Variants in DMPK observed in about 807,000 individuals in gnomAD.
DMPK encodes myotonin-protein kinase.
In DMPK, 32 loss-of-function variants were observed where a neutral mutation model predicts 70.3. That is an observed-to-expected ratio of 0.46 (90% CI 0.34 to 0.61). The LOEUF (loss-of-function observed/expected upper bound fraction) is 0.61. DMPK is among the 20% of genes least tolerant of loss of function. The pLI, the probability that DMPK is intolerant of heterozygous loss-of-function variation, is 0.01. For missense variants in DMPK, 899 were observed against 886.0 expected, an observed-to-expected ratio of 1.01 and a Z score of -0.19; for synonymous variants, 469 against 390.9, an observed-to-expected ratio of 1.20 and a Z score of -2.36.
chr19:45,779,811 A>G lies in DMPK; in HGVS notation c.219T>C (p.Ile73=), dbSNP rs1488588517. ...EVRLQRDDFE[I]LKVIGRGAFS... ...ACGCCCCGCGTCCGATCACCTTCAGAATCTCGAAGTCGTCCCTCTGCAGTC... is the reference window on the plus strand; with the variant it reads ...ACGCCCCGCGTCCGATCACCTTCAGGATCTCGAAGTCGTCCCTCTGCAGTC... The change falls in exon 2 of 15, where the codon ATT becomes ATC. Residue 73 remains isoleucine (I), a synonymous_variant. Transcript: ENST00000291270. 8.2e-6 allele frequency: 13 copies of G among 1,580,718 alleles called. No homozygotes were observed. Among genetic ancestry groups the G allele is most frequent in the Non-Finnish European group, 1.1e-5 (13 of 1,161,526 alleles).
chr19:45,780,462 C>T, intron 1 of DMPK: 2 of 1,239,590 alleles, frequency 1.6e-6, no homozygotes, highest in Non-Finnish European at 2.1e-6. Context: ...CAGCCCATCT[C>T]TCAGTCCTCC....
chr19:45,777,031 A>G lies in DMPK; in HGVS notation c.1146+296T>C, dbSNP rs1368708809. 5.6e-6 allele frequency: 2 copies of G among 359,694 alleles called. No individual in the cohort carries two copies. The highest frequency in any genetic ancestry group is 1.0e-5 in the Non-Finnish European group (2 of 199,498). The allele number at this position is 359,694 out of a possible 1,614,324, so 22.3% of individuals were successfully genotyped here. ...CAAGTCTCAGCTCAGATAGCTCCCCACTCCAGAAAGCCCTCCAGGACCTTC... is the reference window on the plus strand; with the variant it reads ...CAAGTCTCAGCTCAGATAGCTCCCCGCTCCAGAAAGCCCTCCAGGACCTTC... On this transcript the variant is annotated intron_variant, in intron 8 of 14. Coordinates refer to ENST00000291270, the MANE Select transcript of DMPK (RefSeq NM_004409.5). The surrounding 1 kb of genome is among the most constrained non-coding windows in gnomAD (Gnocchi z 6.7).
chr19:45,778,981 T>G, intron 4 of DMPK: 1 of 576,272 alleles, frequency 1.7e-6, no homozygotes. Flanking sequence ...CCGTTAGAAT[T>G]CCTGAAGACC....
In DMPK at chr19:45,778,542, C is replaced by T; in HGVS notation, c.532G>A (p.Glu178Lys). 1 of 1,614,016 alleles carries T rather than the reference C, an allele frequency of 6.2e-7. No individual in the cohort carries two copies. Among genetic ancestry groups the T allele is most frequent in the Non-Finnish European group, 8.5e-7 (1 of 1,180,034 alleles). ...ACCGAGTCTATGGCCATGACAATCT[C>T]CGCCAGGTAGAAGCGCGCCATCTCG... ...PAEMARFYLA[E>K]IVMAIDSVHR... Residue 178 changes from glutamate to lysine, a missense_variant, in exon 5 of 15, where the codon GAG (glutamate) becomes AAG (lysine). Glu to Lys is a moderately conservative substitution (Grantham distance 56). Transcript: ENST00000291270.
Position 45,770,250 on chromosome 19 carries a change from C to CAGCAGCAGCAGT in DMPK, c.*237_*238insACTGCTGCTGCT, listed in dbSNP as rs1969288970. Reference sequence around the variant, plus strand: ...GCAGCAGCAGCAGCAGCAGCAGCAGCAGCAGCAGCAGCAGCATTCCCGGCT... The same window carrying CAGCAGCAGCAGT: ...GCAGCAGCAGCAGCAGCAGCAGCAGCAGCAGCAGCAGTAGCAGCAGCAGCAGCATTCCCGGCT... On this transcript the variant is annotated 3_prime_UTR_variant, in exon 15 of 15. Transcript: ENST00000291270. The CAGCAGCAGCAGT allele has an allele frequency of 1.4e-6, 1 of 704,886 alleles. No individual in the cohort carries two copies. Among genetic ancestry groups the CAGCAGCAGCAGT allele is most frequent in the Non-Finnish European group, 2.2e-6 (1 of 449,578 alleles). The allele number at this position is 704,886 out of a possible 1,614,324, so 43.7% of individuals were successfully genotyped here.
Position 45,774,942 on chromosome 19 carries a change from T to A in DMPK, c.1232+7A>T, listed in dbSNP as rs768887265. 6.2e-6 allele frequency: 10 copies of A among 1,613,030 alleles called. No homozygotes were observed. The highest frequency in any genetic ancestry group is 7.6e-6 in the Non-Finnish European group (9 of 1,179,418). On this transcript the variant is annotated splice_region_variant and intron_variant, in intron 9 of 14. Coordinates refer to ENST00000291270, the MANE Select transcript of DMPK (RefSeq NM_004409.5). ...GGCCCCTGGAGGCCGTCCAGGGCAG[T>A]GCTTACCTGAGGGCCATGCAGGAGT...
Position 45,769,850 on chromosome 19 carries a change from T to C in DMPK, c.*638A>G, listed in dbSNP as rs1397804517. ...TGGATTGGGGTTGTTGGGGGTCCTGTAGCCTGTCAGCGAGTCGGAGGACGA... is the reference window on the plus strand; with the variant it reads ...TGGATTGGGGTTGTTGGGGGTCCTGCAGCCTGTCAGCGAGTCGGAGGACGA... On this transcript the variant is annotated 3_prime_UTR_variant, in exon 15 of 15. Transcript: ENST00000291270. 3 of 249,640 alleles carry C rather than the reference T, an allele frequency of 1.2e-5. No homozygotes were observed. Among genetic ancestry groups the C allele is most frequent in the African/African-American group, 2.3e-5 (1 of 42,730 alleles). 15.5% of individuals were successfully genotyped at this position (249,640 alleles called of 1,614,324 possible). A position where few individuals can be genotyped will look rare whatever the true frequency, so the allele number is the denominator to read the frequency against.
At chr19:45,775,245 G>A (rs1969717250) in intron 8 of DMPK, 9 of 489,336 alleles carry the variant, frequency 1.8e-5, no homozygotes, top group Non-Finnish European at 3.3e-5. Flanking sequence ...TCAGCTCACT[G>A]CAACCTCCGC....
In DMPK at chr19:45,777,886, G is replaced by A; in HGVS notation, c.676-13C>T. On this transcript the variant is annotated splice_polypyrimidine_tract_variant and intron_variant, in intron 6 of 14. Transcript: ENST00000291270. This position sits in a 1 kb window ranked among gnomAD's most constrained non-coding sequence, Gnocchi z 6.7. Reference sequence around the variant, plus strand: ...CCAGCGACCGCACCTGGACCAAAAGGAGCAGAGCGAGGCTTGGGCCCACCC... The same window carrying A: ...CCAGCGACCGCACCTGGACCAAAAGAAGCAGAGCGAGGCTTGGGCCCACCC... The A allele has an allele frequency of 1.3e-6, 2 of 1,598,778 alleles. No homozygotes were observed. The highest frequency in any genetic ancestry group is 2.2e-5 in the South Asian group (2 of 89,946).
Position 45,777,253 on chromosome 19 carries a change from A to C in DMPK, c.1146+74T>G. On this transcript the variant is annotated intron_variant, in intron 8 of 14. Transcript: ENST00000291270. The surrounding 1 kb of genome is among the most constrained non-coding windows in gnomAD (Gnocchi z 6.7). ...TGATTCAGGACCCCAGAAGGTAGGCACTGTCCTTACTCCAACTTTATGGAG... is the reference window on the plus strand; with the variant it reads ...TGATTCAGGACCCCAGAAGGTAGGCCCTGTCCTTACTCCAACTTTATGGAG... 1 of 1,470,738 alleles carries C rather than the reference A, an allele frequency of 6.8e-7. No individual in the cohort carries two copies. Among genetic ancestry groups the C allele is most frequent in the Non-Finnish European group, 9.0e-7 (1 of 1,112,132 alleles). The allele number at this position is 1,470,738 out of a possible 1,614,324, so 91.1% of individuals were successfully genotyped here. A position where few individuals can be genotyped will look rare whatever the true frequency, so the allele number is the denominator to read the frequency against.
In DMPK at chr19:45,774,288, A is replaced by C. The variant is rs1159572540; in HGVS notation, c.1232+661T>G. Reference sequence around the variant, plus strand: ...TTTTTTTTTTTTTTTTTTGAGACGGAGTCTTGCTCTGTCGCCCAGGCTGGA... The same window carrying C: ...TTTTTTTTTTTTTTTTTTGAGACGGCGTCTTGCTCTGTCGCCCAGGCTGGA... On this transcript the variant is annotated intron_variant, in intron 9 of 14. Transcript: ENST00000291270. Among the ~76,000 whole-genome samples the C allele has an allele frequency of 2.8e-5, 3 of 108,856 alleles. 1 individual carries two copies. Among genetic ancestry groups the C allele is most frequent in the Non-Finnish European group, 5.4e-5 (3 of 55,860 alleles). The allele number at this position is 108,856 out of a possible 152,430, so 71.4% of individuals were successfully genotyped here. A position where few individuals can be genotyped will look rare whatever the true frequency, so the allele number is the denominator to read the frequency against.
chr19:45,770,376 G>T lies in DMPK; in HGVS notation c.*112C>A. On this transcript the variant is annotated 3_prime_UTR_variant, in exon 15 of 15. Transcript: ENST00000291270. ...GATCACAGGACTGGAGCTGGGCGGAGACCCACGCTCGGAGCGGTTGTGAAC... is the reference window on the plus strand; with the variant it reads ...GATCACAGGACTGGAGCTGGGCGGATACCCACGCTCGGAGCGGTTGTGAAC... 2 of 1,362,458 alleles carry T rather than the reference G, an allele frequency of 1.5e-6. No homozygotes were observed. The highest frequency in any genetic ancestry group is 2.0e-6 in the Non-Finnish European group (2 of 979,866). 84.4% of individuals were successfully genotyped at this position (1,362,458 alleles called of 1,614,324 possible). A position where few individuals can be genotyped will look rare whatever the true frequency, so the allele number is the denominator to read the frequency against.
chr19:45,771,872 C>A lies in DMPK; in HGVS notation c.1401G>T (p.Thr467=). ...VPAAEAEAEV[T]LRELQEALEE... is the part of the protein sequence containing the mutation. ...CCAGGGCTTCCTGGAGCTCCCGCAGCGTCACCTCGGCCTCAGCCTCTGCCG... is the reference window on the plus strand; with the variant it reads ...CCAGGGCTTCCTGGAGCTCCCGCAGAGTCACCTCGGCCTCAGCCTCTGCCG... The change falls in exon 11 of 15, where the codon ACG becomes ACT. Residue 467 remains threonine (T), a synonymous_variant. Coordinates refer to ENST00000291270, the MANE Select transcript of DMPK (RefSeq NM_004409.5). 6.3e-7 allele frequency: 1 copy of A among 1,588,778 alleles called. No individual in the cohort carries two copies. The highest frequency in any genetic ancestry group is 8.6e-7 in the Non-Finnish European group (1 of 1,167,720).
At chr19:45,774,906 A>C in intron 9 of DMPK, 43 bp downstream of exon 9, 2 of 1,509,106 alleles carry the variant, frequency 1.3e-6, no homozygotes, top group South Asian at 2.2e-5. Flanking sequence ...AGGAAGCTCA[A>C]GCAGCCTCGT....
rs1237484805 is a variant in DMPK at position 45,769,923 on chromosome 19, T to G, written c.*565A>C. ...CGAAGCGGGCGGAGCCGGCTGGGGC[T>G]CCGAGAGCAGCGCAAGTGAGGAGGG... is the stretch of plus-strand genomic sequence containing the variant. On this transcript the variant is annotated 3_prime_UTR_variant, in exon 15 of 15. Coordinates refer to ENST00000291270, the MANE Select transcript of DMPK (RefSeq NM_004409.5). 1 of 285,830 alleles carries G rather than the reference T, an allele frequency of 3.5e-6. No individual in the cohort carries two copies. The highest frequency in any genetic ancestry group is 6.8e-6 in the Non-Finnish European group (1 of 147,230). The allele number at this position is 285,830 out of a possible 1,614,324, so 17.7% of individuals were successfully genotyped here.
chr19:45,782,071 GGGA>G, intron 1 of DMPK, 119 bp downstream of exon 1: 1 of 907,842 alleles, frequency 1.1e-6, no homozygotes, highest in South Asian at 1.9e-5. Flanking sequence ...GCCCCAGGAT[GGGA>G]GGATCTCCCC....
Position 45,776,118 on chromosome 19 carries a change from G to A in DMPK, c.1147-1084C>T, listed in dbSNP as rs1394376800. On this transcript the variant is annotated intron_variant, in intron 8 of 14. Transcript: ENST00000291270. ...ATTACAGGCATGAGCCACAGCGCCC[G>A]GCCGCGGTCCAGCCTATTTTTTTTT... is the stretch of plus-strand genomic sequence containing the variant. Among the ~76,000 whole-genome samples, 4 of 102,660 alleles carry A rather than the reference G, an allele frequency of 3.9e-5. 1 individual carries two copies. Among genetic ancestry groups the A allele is most frequent in the East Asian group, 7.8e-4 (2 of 2,570 alleles). The allele number at this position is 102,660 out of a possible 152,430, so 67.3% of individuals were successfully genotyped here.
intron 12 of DMPK, 81 bp downstream of exon 12, chr19:45,771,487 C>T: frequency 6.2e-7 from 1 of 1,610,366 alleles, no homozygotes; most frequent in Non-Finnish European, 8.5e-7. Context: ...TTCCCTCCTC[C>T]AGGTGTCTAT....
In DMPK at chr19:45,771,818, C is replaced by A; in HGVS notation, c.1455G>T (p.Leu485=). The change falls in exon 11 of 15, where the codon CTG becomes CTT. Residue 485 remains leucine, a synonymous_variant. Coordinates refer to ENST00000291270, the MANE Select transcript of DMPK (RefSeq NM_004409.5). ...LEEEVLTRQS[L]SREMEAIRTD... ...TGCGGATGGCCTCCATCTCCCGGCT[C>A]AGGCTCTGCCGGGTGAGCACCTCCT... 6.4e-7 allele frequency: 1 copy of A among 1,570,394 alleles called. No homozygotes were observed. Among genetic ancestry groups the A allele is most frequent in the Non-Finnish European group, 8.6e-7 (1 of 1,157,750 alleles).
Sources: allele counts gnomAD v4.1 joint callset (sites outside exome capture counted in the v4.1 genomes callset), GRCh38; gene constraint gnomAD v4.1.1; non-coding constraint Gnocchi (gnomAD v3.1); transcripts MANE v1.5; gene names NCBI Gene and HGNC (gene_info 2026-07-23, HGNC 2026-07-21).